The following TOP3A variants were observed in gnomAD, a reference collection of about 807,000 sequenced individuals.
TOP3A encodes DNA topoisomerase 3-alpha.
Under a neutral mutation model 111.3 loss-of-function variants are expected in TOP3A, and 64 were observed. The observed-to-expected ratio is 0.57, with a 90% CI of 0.47 to 0.71. The LOEUF (loss-of-function observed/expected upper bound fraction) is 0.71. Among genes scored for constraint, TOP3A ranks in the 30% least tolerant of loss-of-function variants. The pLI is 0.00. For missense variants in TOP3A, 1,104 were observed against 1,285.0 expected (o/e 0.86, Z 2.15); for synonymous variants, 484 against 485.1 (o/e 1.00, Z 0.03).
rs1567733995 is a variant in TOP3A, at chr17:18,278,237, G to A, written c.2265C>T (p.Gly755=). Residue 755 remains glycine (G), a synonymous_variant, in exon 18 of 19, where the codon GGC becomes GGT. Transcript: ENST00000321105. ...CAGAGGGCTGGCTAGCCCTGGGGGGGCCCCCTGAAAATCTCAGGTCCAGGA... is the reference window on the plus strand; with the variant it reads ...CAGAGGGCTGGCTAGCCCTGGGGGGACCCCCTGAAAATCTCAGGTCCAGGA... ...REILDLRFSG[G]PPRASQPSGR... The A allele has an allele frequency of 2.5e-6, 4 of 1,575,652 alleles. No homozygotes were observed.
rs1980008360 is a variant in TOP3A at position 18,285,174 on chromosome 17, C to T, written c.1845G>A (p.Gln615=). 1 of 1,614,080 alleles carries T rather than the reference C, an allele frequency of 6.2e-7. No individual in the cohort carries two copies. Among genetic ancestry groups the T allele is most frequent in the African/African-American group, 1.3e-5 (1 of 74,928 alleles). The change falls in exon 15 of 19, where the codon CAG becomes CAA. Residue 615 remains glutamine, a synonymous_variant. Coordinates refer to ENST00000321105, the MANE Select transcript of TOP3A (RefSeq NM_004618.5). ...VLRQQVQKYK[Q]VFIEAVAKAK... Reference sequence around the variant, plus strand: ...CTTTAGCCACCGCTTCAATGAAAACCTGCTTGTATTTCTGCACTTGCTGCC... The same window carrying T: ...CTTTAGCCACCGCTTCAATGAAAACTTGCTTGTATTTCTGCACTTGCTGCC...
intron 16 of TOP3A, among the ~76,000 whole-genome samples, chr17:18,281,165 A>G (rs371288721): frequency 3.7e-4 from 56 of 152,322 alleles, no homozygotes; most frequent in African/African-American, 1.3e-3. Flanking sequence ...CTCCTGGCCA[A>G]TGTTTTTCAA....
chr17:18,305,193 A>G lies in TOP3A; in HGVS notation c.418T>C (p.Cys140Arg). Reference sequence around the variant, plus strand: ...TCAGTCCAGATCACCAGAGCCTGGCACTGGCGAGTCTCTCGTTCCAAAGTT... The same window carrying G: ...TCAGTCCAGATCACCAGAGCCTGGCGCTGGCGAGTCTCTCGTTCCAAAGTT... The part of the protein sequence containing the change: ...KKTLERETRQ[C>R]QALVIWTDCD... Residue 140 changes from cysteine to arginine, a missense_variant, in exon 5 of 19, where the codon TGC (cysteine) becomes CGC (arginine). By Grantham distance (180) the Cys-to-Arg change is radical (BLOSUM62 -3). Transcript: ENST00000321105. 1 of 1,614,198 alleles carries G rather than the reference A, an allele frequency of 6.2e-7. No individual in the cohort carries two copies. Among genetic ancestry groups the G allele is most frequent in the Non-Finnish European group, 8.5e-7 (1 of 1,180,030 alleles).
Position 18,303,088 on chromosome 17 carries a change from C to G in TOP3A, c.500-365G>C, listed in dbSNP as rs528877411. On this transcript the variant is annotated intron_variant, in intron 5 of 18. Transcript: ENST00000321105. Reference sequence around the variant, plus strand: ...TTGAGATGCTGTTAATAATCTGTGACTTGTCCCAACCCTGTGCTCACAAAA... The same window carrying G: ...TTGAGATGCTGTTAATAATCTGTGAGTTGTCCCAACCCTGTGCTCACAAAA... 3.6e-5 allele frequency: 7 copies of G among 193,150 alleles called. No homozygotes were observed. In the South Asian group the frequency reaches 6.7e-4, roughly 19 times the overall value. 12.0% of individuals were successfully genotyped at this position (193,150 alleles called of 1,614,324 possible).
At position 18,278,178 on chromosome 17, in the gene TOP3A, A is replaced by G. The variant is rs2142933942; in HGVS notation, c.2324T>C (p.Met775Thr). 1 of 1,613,892 alleles carries G rather than the reference A, an allele frequency of 6.2e-7. No individual in the cohort carries two copies. ...RLQANQSLNR[M>T]DNSQHPQPAD... Reference sequence around the variant, plus strand: ...AGGCTGGGGGTGCTGGCTGTTGTCCATCCTGTTCAGGGACTGGTTAGCCTG... The same window carrying G: ...AGGCTGGGGGTGCTGGCTGTTGTCCGTCCTGTTCAGGGACTGGTTAGCCTG... Residue 775 changes from methionine (M) to threonine (T), a missense_variant, in exon 18 of 19, where the codon ATG (methionine) becomes ACG (threonine). Physicochemically the swap from Met to Thr is moderately conservative, Grantham distance 81. Transcript: ENST00000321105.
Position 18,314,591 on chromosome 17 carries a change from T to C in TOP3A, c.180+8A>G, listed in dbSNP as rs757179578. On this transcript the variant is annotated splice_region_variant and intron_variant, in intron 1 of 18. Coordinates refer to ENST00000321105, the MANE Select transcript of TOP3A (RefSeq NM_004618.5). ...AGGCACGCAGCTGATCGGAACGCGC[T>C]TTCTTACCCGCCTCATGCGACCGTT... is the stretch of plus-strand genomic sequence containing the variant. The C allele has an allele frequency of 1.9e-6, 3 of 1,605,780 alleles. No homozygotes were observed. Among genetic ancestry groups the C allele is most frequent in the African/African-American group, 1.3e-5 (1 of 74,746 alleles).
intron 9 of TOP3A, 122 bp downstream of exon 9, chr17:18,299,437 T>C: frequency 1.2e-6 from 1 of 858,636 alleles, no homozygotes; most frequent in Admixed American, 1.9e-5. Flanking sequence ...TCCAGTGTTT[T>C]CTTGTGTGGC....
chr17:18,279,316 G>C (rs1979603622), intron 17 of TOP3A, among the ~76,000 whole-genome samples: 1 of 151,998 alleles, frequency 6.6e-6, no homozygotes, highest in Admixed American at 6.5e-5. Context: ...GTGTGCAGTG[G>C]TGCAATCTCG....
At chr17:18,289,731 C>T (rs1980350563) in intron 13 of TOP3A, among the ~76,000 whole-genome samples, 1 of 152,186 alleles carries the variant, frequency 6.6e-6, no homozygotes, top group African/African-American at 2.4e-5. Context: ...ACGGGTGAAC[C>T]TCTACTAATT....
rs753844628 is a variant in TOP3A at position 18,302,334 on chromosome 17, T to C, written c.744A>G (p.Thr248=). ...TGAACCGCTCCACCACAAAGCCCAG[T>C]GTGGGGAACTGGCAGCTGCCGTAAC... is the stretch of plus-strand genomic sequence containing the variant. The part of the protein sequence containing the change: ...LISYGSCQFP[T]LGFVVERFKA... The change falls in exon 7 of 19, where the codon ACA becomes ACG. Residue 248 remains threonine (T), a synonymous_variant. Transcript: ENST00000321105. 5.6e-6 allele frequency: 9 copies of C among 1,613,002 alleles called. No homozygotes were observed. The South Asian group carries it at 8.8e-5, about 16-fold the overall frequency.
chr17:18,297,658 C>T (rs1222770921), intron 9 of TOP3A, among the ~76,000 whole-genome samples: 9 of 152,054 alleles, frequency 5.9e-5, no homozygotes, highest in African/African-American at 1.9e-4. Flanking sequence ...CTCCTAACCG[C>T]TAGTGATCCG....
chr17:18,280,535 C>A lies in TOP3A; in HGVS notation c.2144+1G>T, dbSNP rs1367115737. On this transcript the variant is annotated splice_donor_variant, in intron 17 of 18. Transcript: ENST00000321105. LOFTEE classifies it high-confidence loss of function. The stretch of plus-strand genomic sequence containing the variant: ...GCACCTGACTCAGGTGCCCAGCTCA[C>A]CTGTACACAGGGTGTGGCTGACAAA... 1.2e-6 allele frequency: 2 copies of A among 1,613,258 alleles called. No homozygotes were observed. The highest frequency in any genetic ancestry group is 1.3e-5 in the African/African-American group (1 of 74,910).
Position 18,308,386 on chromosome 17 carries a change from T to C in TOP3A, c.279A>G (p.Leu93=). 1 of 1,606,310 alleles carries C rather than the reference T, an allele frequency of 6.2e-7. No individual in the cohort carries two copies. Among genetic ancestry groups the C allele is most frequent in the Non-Finnish European group, 8.5e-7 (1 of 1,175,406 alleles). The change falls in exon 3 of 19, where the codon TTA becomes TTG. Residue 93 remains leucine, a synonymous_variant. Coordinates refer to ENST00000321105, the MANE Select transcript of TOP3A (RefSeq NM_004618.5). ...ACTGCATCTGGAAATCATGAGCCAG[T>C]AAATGTCCAGAAACTGAAGTCATTA... The part of the protein sequence containing the change: ...TMVMTSVSGH[L]LAHDFQMQFR...
chr17:18,306,620 C>T, intron 4 of TOP3A: 1 of 326,146 alleles, frequency 3.1e-6, no homozygotes, highest in Non-Finnish European at 5.7e-6. Context: ...CCTGCCTTGG[C>T]CCCACAAATT....
intron 11 of TOP3A, among the ~76,000 whole-genome samples, chr17:18,291,607 T>C (rs1478425153): frequency 2.6e-5 from 4 of 152,234 alleles, no homozygotes; most frequent in Admixed American, 6.5e-5. Context: ...AAAAACAGAT[T>C]TGGCAAAATA....
intron 1 of TOP3A, among the ~76,000 whole-genome samples, chr17:18,310,633 G>C (rs1981854404): frequency 6.6e-6 from 1 of 152,080 alleles, no homozygotes; most frequent in Non-Finnish European, 1.5e-5. Flanking sequence ...GGTAAGGGGA[G>C]TGACTGCTTA....
intron 5 of TOP3A, among the ~76,000 whole-genome samples, chr17:18,304,031 C>T (rs1597983458): frequency 6.6e-6 from 1 of 152,266 alleles, no homozygotes; most frequent in East Asian, 1.9e-4. Flanking sequence ...GTGGTGCAAT[C>T]TCGGCTCACT....
chr17:18,302,344 T>A lies in TOP3A; in HGVS notation c.734A>T (p.Gln245Leu). The change falls in exon 7 of 19, where the codon CAG becomes CTG. Residue 245 changes from glutamine (Q) to leucine (L), a missense_variant. Transcript: ENST00000321105. ...AEQLISYGSC[Q>L]FPTLGFVVER... ...CACCACAAAGCCCAGTGTGGGGAAC[T>A]GGCAGCTGCCGTAACTGATGAGCTG... 1 of 1,613,054 alleles carries A rather than the reference T, an allele frequency of 6.2e-7. No homozygotes were observed. Among genetic ancestry groups the A allele is most frequent in the Non-Finnish European group, 8.5e-7 (1 of 1,179,930 alleles).
At chr17:18,297,103 T>C (rs1296051786) in intron 9 of TOP3A, among the ~76,000 whole-genome samples, 2 of 152,244 alleles carry the variant, frequency 1.3e-5, no homozygotes, top group East Asian at 1.9e-4. Flanking sequence ...CCTCATACAA[T>C]GCAGTTATAT....
Sources: gnomAD v4.1 joint callset for allele counts (sites outside exome capture counted in the v4.1 genomes callset) on GRCh38, gnomAD v4.1.1 for gene constraint, MANE v1.5 for transcripts, NCBI Gene and HGNC (gene_info 2026-07-23, HGNC 2026-07-21) for gene names.